FCRL2: variants seen among roughly 807,000 people sequenced by gnomAD.
FCRL2 encodes the protein Fc receptor-like protein 2.
Under a neutral mutation model 59.8 loss-of-function variants are expected in FCRL2, and 48 were observed. The observed-to-expected ratio is 0.80, with a 90% CI of 0.64 to 1.02. The LOEUF (loss-of-function observed/expected upper bound fraction) is 1.02, where lower values mean the gene tolerates loss of function less well. Ranked by LOEUF, FCRL2 falls within the 50% of genes least tolerant of loss-of-function variation. The pLI is 0.00. For missense variants in FCRL2, 658 were observed against 597.3 expected, an observed-to-expected ratio of 1.10 and a Z score of -1.06; for synonymous variants, 251 against 229.5, an observed-to-expected ratio of 1.09 and a Z score of -0.85.
intron 7 of FCRL2, among the ~76,000 whole-genome samples, chr1:157,759,125 C>T (rs374741934): frequency 5.3e-5 from 8 of 152,258 alleles, no homozygotes; most frequent in African/African-American, 1.9e-4. Context: ...AGTTAGTTCT[C>T]ATAAGATCTG....
At chr1:157,774,700 G>T (rs992957260) in intron 2 of FCRL2, among the ~76,000 whole-genome samples, 2 of 152,188 alleles carry the variant, frequency 1.3e-5, no homozygotes, top group South Asian at 2.1e-4. Context: ...GTATCACAGG[G>T]TGGGACTCCT....
At chr1:157,761,840 GC>G (rs1181702796) in intron 7 of FCRL2, among the ~76,000 whole-genome samples, 1 of 152,138 alleles carries the variant, frequency 6.6e-6, no homozygotes, top group African/African-American at 2.4e-5. Flanking sequence ...AGACACGGCA[GC>G]TTAAGGAATA....
intron 1 of FCRL2, among the ~76,000 whole-genome samples, chr1:157,776,070 T>C (rs1275748259): frequency 6.6e-6 from 1 of 152,150 alleles, no homozygotes. Flanking sequence ...CTTGATTTCA[T>C]TTTCCTTCCA....
At position 157,776,313 on chromosome 1, in the gene FCRL2, A is replaced by G. The variant is rs991204063; in HGVS notation, c.32-518T>C. Among the ~76,000 whole-genome samples the G allele has an allele frequency of 7.9e-4, 120 of 152,208 alleles. 2 individuals are homozygous for G. Among genetic ancestry groups the G allele is most frequent in the Non-Finnish European group, 2.4e-4 (16 of 68,050 alleles). Reference sequence around the variant, plus strand: ...AGGGATCTTATTTACTCTCTCACCCAGGCTGGAGTACAATGGTGCGATCTT... The same window carrying G: ...AGGGATCTTATTTACTCTCTCACCCGGGCTGGAGTACAATGGTGCGATCTT... On this transcript the variant is annotated intron_variant, in intron 1 of 11. Transcript: ENST00000361516.
In FCRL2 at chr1:157,749,520, A is replaced by G. The variant is rs1648019863; in HGVS notation, c.1307+130T>C. 4 of 623,878 alleles carry G rather than the reference A, an allele frequency of 6.4e-6. No individual in the cohort carries two copies. In the Admixed American group the frequency reaches 1.1e-4, roughly 17 times the overall value. The allele number at this position is 623,878 out of a possible 1,614,324, so 38.6% of individuals were successfully genotyped here. A position where few individuals can be genotyped will look rare whatever the true frequency, so the allele number is the denominator to read the frequency against. ...AATGTAATGCAGTAGAGACAAGAGT[A>G]AGTATTATAGAAAGATACCATGTTA... On this transcript the variant is annotated intron_variant, in intron 8 of 11. Transcript: ENST00000361516.
At chr1:157,749,325 T>C (rs921101590) in intron 8 of FCRL2, among the ~76,000 whole-genome samples, 5 of 152,188 alleles carry the variant, frequency 3.3e-5, no homozygotes, top group Non-Finnish European at 7.3e-5. Flanking sequence ...ATACACATTT[T>C]GTGTGTATGT....
intron 7 of FCRL2, among the ~76,000 whole-genome samples, chr1:157,762,194 A>G (rs1398705647): frequency 6.6e-6 from 1 of 152,164 alleles, no homozygotes; most frequent in African/African-American, 2.4e-5. Context: ...TTCTGCCACT[A>G]TCACCACAAC....
rs3818813 is a variant in FCRL2 at position 157,748,535 on chromosome 1, T to G, written c.1459+18A>C. ...CTGTGAATATGCATCTGACAAGAAC[T>G]ACTTTGCAGTTTCTCACCTGAGCTT... On this transcript the variant is annotated intron_variant, in intron 10 of 11. Coordinates refer to ENST00000361516, the MANE Select transcript of FCRL2 (RefSeq NM_030764.4). 0.15 allele frequency: 226,542 copies of G among 1,528,518 alleles called. 22,306 individuals are homozygous for G. The highest frequency in any genetic ancestry group is 0.22 in the East Asian group (9,114 of 42,140). 94.7% of individuals were successfully genotyped at this position (1,528,518 alleles called of 1,614,324 possible). A position where few individuals can be genotyped will look rare whatever the true frequency, so the allele number is the denominator to read the frequency against.
intron 2 of FCRL2, among the ~76,000 whole-genome samples, chr1:157,775,295 A>G (rs1650319220): frequency 1.3e-5 from 2 of 152,188 alleles, no homozygotes; most frequent in Non-Finnish European, 1.5e-5. Context: ...CTTGCCTTTT[A>G]CAGGAAAAGC....
At chr1:157,762,873 C>T (rs559764389) in intron 7 of FCRL2, among the ~76,000 whole-genome samples, 2 of 152,156 alleles carry the variant, frequency 1.3e-5, no homozygotes, top group Admixed American at 1.3e-4. Flanking sequence ...GAAATAAAAT[C>T]TTTTCCAGAT....
intron 2 of FCRL2, among the ~76,000 whole-genome samples, chr1:157,773,969 C>A (rs113466407): frequency 6.6e-6 from 1 of 152,082 alleles, no homozygotes; most frequent in African/African-American, 2.4e-5. Flanking sequence ...AGGTTGTGAA[C>A]GAGAAGTTCT....
At chr1:157,753,078 G>T (rs566876489) in intron 7 of FCRL2, among the ~76,000 whole-genome samples, 9 of 152,016 alleles carry the variant, frequency 5.9e-5, no homozygotes, top group Non-Finnish European at 1.3e-4. Context: ...ACAGAATAGG[G>T]CATCAAAGTT....
chr1:157,748,958 C>T lies in FCRL2; in HGVS notation c.1310G>A (p.Gly437Glu), dbSNP rs1416046798. 2 of 1,613,374 alleles carry T rather than the reference C, an allele frequency of 1.2e-6. No individual in the cohort carries two copies. The highest frequency in any genetic ancestry group is 1.7e-6 in the Non-Finnish European group (2 of 1,179,556). ...GESSATNEPRGASRPNPQEFT... is the reference protein window; with the variant it reads ...GESSATNEPREASRPNPQEFT... ...CTCTTGAGGATTTGGCCTGGAAGCC[C>T]CTCTGTGAGAAAGTGAATTAATTGT... Residue 437 changes from glycine (G) to glutamate (E), a missense_variant and splice_region_variant, in exon 9 of 12, where the codon GGG becomes GAG. By Grantham distance (98) the Gly-to-Glu change is moderately conservative. Coordinates refer to ENST00000361516, the MANE Select transcript of FCRL2 (RefSeq NM_030764.4).
At chr1:157,772,140 C>T (rs189664826) in intron 2 of FCRL2, among the ~76,000 whole-genome samples, 10 of 150,878 alleles carry the variant, frequency 6.6e-5, no homozygotes, top group African/African-American at 1.2e-4. Context: ...CTCATGGAAA[C>T]GCCACCGTGG....
chr1:157,776,543 A>G (rs1032196043), intron 1 of FCRL2, among the ~76,000 whole-genome samples: 1 of 152,200 alleles, frequency 6.6e-6, no homozygotes, highest in Non-Finnish European at 1.5e-5. Flanking sequence ...TGCTAGGATT[A>G]CAGGTATGAG....
intron 7 of FCRL2, among the ~76,000 whole-genome samples, chr1:157,753,792 T>C (rs1213086935): frequency 6.6e-6 from 1 of 152,158 alleles, no homozygotes; most frequent in Admixed American, 6.6e-5. Context: ...ATATTGAAGC[T>C]ATCCAGGAGC....
chr1:157,773,053 T>A (rs1255149574), intron 2 of FCRL2, among the ~76,000 whole-genome samples: 1 of 152,184 alleles, frequency 6.6e-6, no homozygotes, highest in African/African-American at 2.4e-5. Flanking sequence ...TTAAAAGCCC[T>A]TGCCTTCTGC....
chr1:157,750,481 C>A (rs1431456430), intron 7 of FCRL2, among the ~76,000 whole-genome samples: 2 of 152,186 alleles, frequency 1.3e-5, no homozygotes, highest in Admixed American at 1.3e-4. Context: ...TTTGGGGATA[C>A]CCCAGTTGTG....
At chr1:157,750,207 A>G (rs1474400950) in intron 7 of FCRL2, among the ~76,000 whole-genome samples, 2 of 152,228 alleles carry the variant, frequency 1.3e-5, no homozygotes, top group Non-Finnish European at 2.9e-5. Flanking sequence ...GGAGAGATGT[A>G]AAACAAGAAA....
Sources: allele counts gnomAD v4.1 joint callset (sites outside exome capture counted in the v4.1 genomes callset), GRCh38; gene constraint gnomAD v4.1.1; transcripts MANE v1.5; gene names NCBI Gene and HGNC (gene_info 2026-07-23, HGNC 2026-07-21).